PDE10A: variants seen among roughly 807,000 people sequenced by gnomAD.
The protein encoded by PDE10A is phosphodiesterase 10A, also known as cAMP and cAMP-inhibited cGMP 3',5'-cyclic phosphodiesterase 10A.
In PDE10A, 39 loss-of-function variants were observed where a neutral mutation model predicts 97.7. That is an observed-to-expected ratio of 0.40 (90% CI 0.31 to 0.52). The LOEUF (loss-of-function observed/expected upper bound fraction) is 0.52, where lower values mean the gene tolerates loss of function less well. PDE10A is among the 20% of genes least tolerant of loss of function. PDE10A has a pLI of 0.56. For missense variants in PDE10A, 731 were observed against 1,047.8 expected, an observed-to-expected ratio of 0.70 and a Z score of 4.17; for synonymous variants, 371 against 376.8, an observed-to-expected ratio of 0.98 and a Z score of 0.18.
chr6:165,625,624 G>A (rs527786065), intron 1 of PDE10A, among the ~76,000 whole-genome samples: 5 of 152,242 alleles, frequency 3.3e-5, no homozygotes, highest in African/African-American at 9.6e-5. Context: ...TGCATCATGA[G>A]GGTGGGTCTT....
chr6:165,474,438 A>G (rs1413084183), intron 3 of PDE10A, among the ~76,000 whole-genome samples: 1 of 152,224 alleles, frequency 6.6e-6, no homozygotes, highest in Non-Finnish European at 1.5e-5. Context: ...GTTCACCTTC[A>G]TATAAACTTT....
Position 165,579,318 on chromosome 6 carries a change from A to C in PDE10A, c.866-35750T>G, listed in dbSNP as rs147842727. Reference sequence around the variant, plus strand: ...TTGATTGAAGCCAGGAATGCCCATTAGTCAGTCCCACTGCAGCAGTGCAGT... The same window carrying C: ...TTGATTGAAGCCAGGAATGCCCATTCGTCAGTCCCACTGCAGCAGTGCAGT... On this transcript the variant is annotated intron_variant, in intron 1 of 21. Coordinates refer to ENST00000539869, the MANE Select transcript of PDE10A (RefSeq NM_001385079.1). 1.7e-3 allele frequency among the ~76,000 whole-genome samples: 253 copies of C among 152,344 alleles called. 1 individual carries two copies. Among genetic ancestry groups the C allele is most frequent in the African/African-American group, 5.6e-3 (234 of 41,576 alleles).
intron 1 of PDE10A, among the ~76,000 whole-genome samples, chr6:165,740,176 A>G (rs1792682394): frequency 6.6e-6 from 1 of 152,206 alleles, no homozygotes; most frequent in African/African-American, 2.4e-5. Flanking sequence ...CCCACTGTAG[A>G]AGGAGTCACA....
intron 1 of PDE10A, among the ~76,000 whole-genome samples, chr6:165,626,189 C>G (rs561320020): frequency 2.0e-5 from 3 of 152,246 alleles, no homozygotes; most frequent in Admixed American, 2.0e-4. Context: ...TTCTCTCCCT[C>G]GCATAAGAAA....
chr6:165,879,937 C>CTT (rs1781433744), intron 1 of PDE10A, among the ~76,000 whole-genome samples: 1 of 150,634 alleles, frequency 6.6e-6, no homozygotes, highest in Non-Finnish European at 1.5e-5. Flanking sequence ...GGGGGACACT[C>CTT]TTTAACCCAG....
intron 1 of PDE10A, among the ~76,000 whole-genome samples, chr6:165,590,150 A>G (rs1389369444): frequency 6.6e-6 from 1 of 152,222 alleles, no homozygotes; most frequent in Admixed American, 6.5e-5. Context: ...AAGACTAGAA[A>G]AGGTTCCGGG....
At chr6:165,537,982 T>A (rs1490429139) in intron 2 of PDE10A, among the ~76,000 whole-genome samples, 2 of 151,984 alleles carry the variant, frequency 1.3e-5, no homozygotes, top group African/African-American at 4.8e-5. Context: ...CAACACCGAA[T>A]GTTTTGGCAA....
chr6:165,960,275 G>A (rs1784316531), intron 1 of PDE10A, among the ~76,000 whole-genome samples: 1 of 152,236 alleles, frequency 6.6e-6, no homozygotes, highest in Non-Finnish European at 1.5e-5. Flanking sequence ...TGTGGTGATA[G>A]TTGTTACAAA....
intron 1 of PDE10A, among the ~76,000 whole-genome samples, chr6:165,952,623 G>T (rs1385663663): frequency 6.6e-6 from 1 of 152,210 alleles, no homozygotes; most frequent in Non-Finnish European, 1.5e-5. Context: ...AGAAATCTGG[G>T]AGAGGCAGGA....
chr6:165,574,227 T>C, intron 1 of PDE10A, among the ~76,000 whole-genome samples: 1 of 151,808 alleles, frequency 6.6e-6, no homozygotes, highest in East Asian at 1.9e-4. Context: ...GTCAAAGTTG[T>C]AGTCCAGAAC....
intron 1 of PDE10A, among the ~76,000 whole-genome samples, chr6:165,605,114 T>C (rs1323164172): frequency 6.6e-6 from 1 of 152,098 alleles, no homozygotes; most frequent in African/African-American, 2.4e-5. Context: ...TCATACCTGT[T>C]CTCTTTCCAT....
chr6:165,908,521 A>C (rs367843837), intron 1 of PDE10A, among the ~76,000 whole-genome samples: 2 of 152,316 alleles, frequency 1.3e-5, no homozygotes, highest in African/African-American at 4.8e-5. Flanking sequence ...GAATCCACAT[A>C]CAATCCAGCA....
intron 1 of PDE10A, among the ~76,000 whole-genome samples, chr6:165,699,452 A>C (rs1791516847): frequency 6.6e-6 from 1 of 152,206 alleles, no homozygotes; most frequent in Admixed American, 6.5e-5. Context: ...AGATCAGATC[A>C]ACAGGGAAAT....
At chr6:165,804,586 C>T (rs1016714630) in intron 1 of PDE10A, among the ~76,000 whole-genome samples, 7 of 152,080 alleles carry the variant, frequency 4.6e-5, no homozygotes, top group Admixed American at 3.9e-4. Flanking sequence ...TAGTTTCCTC[C>T]GAGCAGCCAA....
intron 1 of PDE10A, among the ~76,000 whole-genome samples, chr6:165,797,813 C>T (rs1220265660): frequency 6.6e-6 from 1 of 152,150 alleles, no homozygotes; most frequent in Non-Finnish European, 1.5e-5. Flanking sequence ...ACATACACAG[C>T]AAATGTCTCT....
In PDE10A at chr6:165,396,310, T is replaced by C. The variant is rs1251407199; in HGVS notation, c.2219+7A>G. 4 of 1,610,990 alleles carry C rather than the reference T, an allele frequency of 2.5e-6. No individual in the cohort carries two copies. In the South Asian group the frequency reaches 4.4e-5, roughly 18 times the overall value. On this transcript the variant is annotated splice_region_variant and intron_variant, in intron 14 of 21. Coordinates refer to ENST00000539869, the MANE Select transcript of PDE10A (RefSeq NM_001385079.1). ...TCCTGAAGAAACTGACAGAGCAACA[T>C]ACTTACAATTCAATTTCTTTGCAGA... is the stretch of plus-strand genomic sequence containing the variant.
chr6:165,826,499 G>GTCCGTGTCCCTC (rs1779755629), intron 1 of PDE10A, among the ~76,000 whole-genome samples: 1 of 119,288 alleles, frequency 8.4e-6, no homozygotes, highest in South Asian at 3.1e-4. Flanking sequence ...CTCTGTCCCT[G>GTCCGTGTCCCTC]TGTCCCTCTG....
At chr6:165,754,382 G>T (rs1793070912) in intron 1 of PDE10A, 1 of 152,138 alleles carries the variant, frequency 6.6e-6, no homozygotes, top group Non-Finnish European at 1.5e-5. Context: ...AAGGAATGAA[G>T]GTCAGTATTG....
chr6:165,790,607 A>G (rs755376997), intron 1 of PDE10A, among the ~76,000 whole-genome samples: 82 of 152,228 alleles, frequency 5.4e-4, no homozygotes, highest in Non-Finnish European at 2.1e-4. Flanking sequence ...TCATTCTGAC[A>G]CTGGACGGTT....
Sources: gnomAD v4.1 joint callset for allele counts (sites outside exome capture counted in the v4.1 genomes callset) on GRCh38, gnomAD v4.1.1 for gene constraint, MANE v1.5 for transcripts, NCBI Gene and HGNC (gene_info 2026-07-23, HGNC 2026-07-21) for gene names.